SFMBT2: variants seen among roughly 807,000 people sequenced by gnomAD.
The protein encoded by SFMBT2 is scm-like with four MBT domains protein 2.
In SFMBT2, 38 loss-of-function variants were observed where a neutral mutation model predicts 110.1. The observed-to-expected ratio is 0.35, with a 90% CI of 0.27 to 0.45. The LOEUF is 0.45. Ranked by LOEUF, SFMBT2 falls within the 20% of genes least tolerant of loss-of-function variation. The pLI, the probability that SFMBT2 is intolerant of heterozygous loss-of-function variation, is 1.00. For synonymous variants in SFMBT2, 425 were observed against 425.4 expected (o/e 1.00, Z 0.01); for missense variants, 1,011 against 1,094.9 (o/e 0.92, Z 1.08).
chr10:7,347,894 C>G (rs1355835920), intron 4 of SFMBT2, among the ~76,000 whole-genome samples: 1 of 152,190 alleles, frequency 6.6e-6, no homozygotes, highest in Non-Finnish European at 1.5e-5. Flanking sequence ...TAAATACATA[C>G]ACTTAACTGA....
intron 7 of SFMBT2, among the ~76,000 whole-genome samples, chr10:7,256,630 C>T (rs148231050): frequency 0.018 from 2,698 of 152,322 alleles, 40 homozygotes; most frequent in Non-Finnish European, 0.023. Context: ...GTCCACAGTG[C>T]TTCATCAATT....
rs1837582149 is a variant in SFMBT2 at position 7,162,778 on chromosome 10, C to T, written c.*992G>A. On this transcript the variant is annotated 3_prime_UTR_variant, in exon 21 of 21. Transcript: ENST00000397167. Reference sequence around the variant, plus strand: ...CTAGAAAAGACTGGGTAGAGTTTGTCTCTACAGATGTTCTAGGCTTCAATC... The same window carrying T: ...CTAGAAAAGACTGGGTAGAGTTTGTTTCTACAGATGTTCTAGGCTTCAATC... 6.6e-6 allele frequency: 1 copy of T among 152,224 alleles called. No individual in the cohort carries two copies. Among genetic ancestry groups the T allele is most frequent in the African/African-American group, 2.4e-5 (1 of 41,452 alleles). 9.4% of individuals were successfully genotyped at this position (152,224 alleles called of 1,614,324 possible). A position where few individuals can be genotyped will look rare whatever the true frequency, so the allele number is the denominator to read the frequency against.
chr10:7,361,040 G>A (rs989936607), intron 4 of SFMBT2, among the ~76,000 whole-genome samples: 2 of 152,008 alleles, frequency 1.3e-5, no homozygotes, highest in African/African-American at 2.4e-5. Context: ...AGACATACTT[G>A]TCAAATAATC....
rs1356427330 is a variant in SFMBT2 at position 7,160,194 on chromosome 10, G to A, written c.*3576C>T. On this transcript the variant is annotated 3_prime_UTR_variant, in exon 21 of 21. Coordinates refer to ENST00000397167, the MANE Select transcript of SFMBT2 (RefSeq NM_001387889.1). ...TGAGTTCCCCACGCTGTGCAGCTCC[G>A]TGGTGAAGTTCACTGTGTTTTGCTT... The A allele has an allele frequency of 6.6e-6, 1 of 152,200 alleles. No homozygotes were observed. Among genetic ancestry groups the A allele is most frequent in the African/African-American group, 2.4e-5 (1 of 41,436 alleles). 9.4% of individuals were successfully genotyped at this position (152,200 alleles called of 1,614,324 possible). A position where few individuals can be genotyped will look rare whatever the true frequency, so the allele number is the denominator to read the frequency against.
At chr10:7,232,013 G>T (rs1017891659) in intron 9 of SFMBT2, among the ~76,000 whole-genome samples, 1 of 152,220 alleles carries the variant, frequency 6.6e-6, no homozygotes, top group Non-Finnish European at 1.5e-5. Flanking sequence ...AACCTGGAGG[G>T]AGGGAGGAAA....
At chr10:7,247,371 C>A (rs1412956133) in intron 8 of SFMBT2, among the ~76,000 whole-genome samples, 8 of 152,188 alleles carry the variant, frequency 5.3e-5, no homozygotes, top group African/African-American at 1.9e-4. Context: ...CCCACCTCAG[C>A]CTCCCAAAGT....
chr10:7,332,286 T>G (rs969930296), intron 4 of SFMBT2, among the ~76,000 whole-genome samples: 2 of 152,178 alleles, frequency 1.3e-5, no homozygotes, highest in Non-Finnish European at 2.9e-5. Context: ...TAAGAGAGCA[T>G]CTAAATCTAC....
chr10:7,181,593 C>G (rs762484426), intron 16 of SFMBT2, among the ~76,000 whole-genome samples: 6 of 152,142 alleles, frequency 3.9e-5, no homozygotes, highest in Non-Finnish European at 8.8e-5. Context: ...TCAAACTATA[C>G]CAAGCTGACT....
intron 4 of SFMBT2, among the ~76,000 whole-genome samples, chr10:7,330,867 C>G (rs1179020041): frequency 1.3e-5 from 2 of 152,236 alleles, no homozygotes; most frequent in Non-Finnish European, 2.9e-5. Flanking sequence ...CATCTGACTT[C>G]TGATGCTTTT....
chr10:7,241,090 T>C (rs1840416415), intron 9 of SFMBT2: 1 of 152,378 alleles, frequency 6.6e-6, no homozygotes, highest in Non-Finnish European at 1.5e-5. Flanking sequence ...CGAGATCTGA[T>C]GGTTTTAAAA....
rs543862669 is a variant in SFMBT2 at position 7,293,183 on chromosome 10, G to T, written c.437-7229C>A. Among the ~76,000 whole-genome samples the T allele has an allele frequency of 3.3e-5, 5 of 151,902 alleles. No homozygotes were observed. Among genetic ancestry groups the T allele is most frequent in the Non-Finnish European group, 7.4e-5 (5 of 67,966 alleles). On this transcript the variant is annotated intron_variant, in intron 4 of 20. Transcript: ENST00000397167. This position sits in a 1 kb window ranked among gnomAD's most constrained non-coding sequence, Gnocchi z 4.6. Reference sequence around the variant, plus strand: ...CCTACCTCAGCCTCCCAAGCAGCTGGGATTACAGGCACCCACCACCATCTC... The same window carrying T: ...CCTACCTCAGCCTCCCAAGCAGCTGTGATTACAGGCACCCACCACCATCTC...
intron 9 of SFMBT2, among the ~76,000 whole-genome samples, chr10:7,233,862 G>A (rs1373309622): frequency 6.6e-6 from 1 of 152,220 alleles, no homozygotes; most frequent in Admixed American, 6.5e-5. Flanking sequence ...CTGGCAGGGA[G>A]GCAAGATTGC....
At chr10:7,314,533 A>C (rs1429498844) in intron 4 of SFMBT2, among the ~76,000 whole-genome samples, 1 of 152,204 alleles carries the variant, frequency 6.6e-6, no homozygotes, top group Non-Finnish European at 1.5e-5. Flanking sequence ...ACTTGGTGTA[A>C]GATGTTGGGT....
chr10:7,399,927 G>C (rs989635667), intron 1 of SFMBT2, among the ~76,000 whole-genome samples: 2 of 152,230 alleles, frequency 1.3e-5, no homozygotes, highest in African/African-American at 4.8e-5. Flanking sequence ...GAGACTGAAA[G>C]AAGGGAATAG....
At chr10:7,228,501 G>C in intron 9 of SFMBT2, 860 of 224,008 alleles carry the variant, frequency 3.8e-3, no homozygotes, top group Non-Finnish European at 5.9e-3. Context: ...GGGAAGGAAG[G>C]CAAACGTTGC....
intron 1 of SFMBT2, among the ~76,000 whole-genome samples, chr10:7,394,804 C>A (rs939616181): frequency 6.6e-6 from 1 of 152,114 alleles, no homozygotes; most frequent in Admixed American, 6.5e-5. Context: ...ATAATCTACA[C>A]GAACTGCTTC....
intron 7 of SFMBT2, among the ~76,000 whole-genome samples, chr10:7,264,413 T>G (rs1458156921): frequency 6.6e-6 from 1 of 152,076 alleles, no homozygotes; most frequent in Non-Finnish European, 1.5e-5. Flanking sequence ...ACCAAGACAC[T>G]GGGTATTTTA....
At position 7,186,459 on chromosome 10, in the gene SFMBT2, C is replaced by CACACACATAT. The variant is rs748644225; in HGVS notation, c.1808+2164_1808+2165insATATGTGTGT. On this transcript the variant is annotated intron_variant, in intron 16 of 20. Coordinates refer to ENST00000397167, the MANE Select transcript of SFMBT2 (RefSeq NM_001387889.1). Reference sequence around the variant, plus strand: ...ACACACACACACACACACACACACACATATATATATATATAAAAATATTTT... The same window carrying CACACACATAT: ...ACACACACACACACACACACACACACACACACATATATATATATATATATAAAAATATTTT... Among the ~76,000 whole-genome samples, 545 of 126,876 alleles carry CACACACATAT rather than the reference C, an allele frequency of 4.3e-3. 6 individuals are homozygous for CACACACATAT. Among genetic ancestry groups the CACACACATAT allele is most frequent in the African/African-American group, 0.017 (514 of 30,830 alleles). 83.2% of individuals were successfully genotyped at this position (126,876 alleles called of 152,430 possible).
At chr10:7,209,173 T>C (rs916204026) in intron 11 of SFMBT2, among the ~76,000 whole-genome samples, 13 of 152,224 alleles carry the variant, frequency 8.5e-5, no homozygotes, top group African/African-American at 3.1e-4. Flanking sequence ...GGAGACCCAA[T>C]AGCATGCAAA....
Sources: allele counts gnomAD v4.1 joint callset (sites outside exome capture counted in the v4.1 genomes callset), GRCh38; gene constraint gnomAD v4.1.1; non-coding constraint Gnocchi (gnomAD v3.1); transcripts MANE v1.5; gene names NCBI Gene and HGNC (gene_info 2026-07-23, HGNC 2026-07-21).